Variants in PRKCH observed in about 807,000 individuals in gnomAD.
The protein encoded by PRKCH is protein kinase C eta.
A neutral mutation model predicts 82.5 loss-of-function variants in PRKCH; 28 were observed. That is an observed-to-expected ratio of 0.34 (90% CI 0.25 to 0.47). The LOEUF is 0.47. Among genes scored for constraint, PRKCH ranks in the 20% least tolerant of loss-of-function variants. PRKCH has a pLI of 1.00. For synonymous variants in PRKCH, 322 were observed against 327.4 expected, an observed-to-expected ratio of 0.98 and a Z score of 0.18; for missense variants, 705 against 881.8, an observed-to-expected ratio of 0.80 and a Z score of 2.54.
intron 1 of PRKCH, among the ~76,000 whole-genome samples, chr14:61,239,424 G>A (rs984856693): frequency 6.6e-6 from 1 of 152,150 alleles, no homozygotes; most frequent in Non-Finnish European, 1.5e-5. Context: ...ATGAGGACAG[G>A]GCAGGGGTTT....
intron 1 of PRKCH, among the ~76,000 whole-genome samples, chr14:61,272,249 GA>G (rs35299754): frequency 0.88 from 131,184 of 149,706 alleles, 57,539 homozygotes; most frequent in Middle Eastern, 0.92. Flanking sequence ...GATGACATGA[GA>G]AAAACCAAGG....
chr14:61,371,933 A>G (rs1474582805), intron 1 of PRKCH, among the ~76,000 whole-genome samples: 1 of 151,858 alleles, frequency 6.6e-6, no homozygotes, highest in Non-Finnish European at 1.5e-5. Flanking sequence ...ATCAGTATGG[A>G]CTCATGCATA....
At chr14:61,457,146 T>G in intron 7 of PRKCH, 30 bp from the exon 8 acceptor site, 2 of 1,609,296 alleles carry the variant, frequency 1.2e-6, no homozygotes, top group Non-Finnish European at 1.7e-6. Context: ...CTGCTGCAAT[T>G]TCTGACTTAA....
chr14:61,255,185 G>A (rs1423862228), intron 1 of PRKCH, among the ~76,000 whole-genome samples: 5 of 152,230 alleles, frequency 3.3e-5, no homozygotes, highest in Non-Finnish European at 7.3e-5. Context: ...GCAGGATTGA[G>A]GGAGTTTCTT....
intron 1 of PRKCH, chr14:61,305,822 G>A (rs1299701171): frequency 1.3e-5 from 2 of 151,990 alleles, no homozygotes; most frequent in East Asian, 3.9e-4. Context: ...GGTCATCTTG[G>A]ATTCTGCTTC....
chr14:61,493,462 T>C (rs1221619941), intron 10 of PRKCH, among the ~76,000 whole-genome samples: 1 of 152,210 alleles, frequency 6.6e-6, no homozygotes, highest in Admixed American at 6.5e-5. Context: ...TACCATGGAA[T>C]TGGCCAGAAC....
Position 61,449,209 on chromosome 14 carries a change from C to T in PRKCH, c.659C>T (p.Thr220Ile). Reference sequence around the variant, plus strand: ...AAACGCTGCCATCATCTAATTGTTACAGCCTGTACTTGCCAAAACAATATT... The same window carrying T: ...AAACGCTGCCATCATCTAATTGTTATAGCCTGTACTTGCCAAAACAATATT... ...VHKRCHHLIVTACTCQNNINK... is the reference protein window; with the variant it reads ...VHKRCHHLIVIACTCQNNINK... The change falls in exon 5 of 14, where the codon ACA becomes ATA. Residue 220 changes from threonine to isoleucine, a missense_variant. Coordinates refer to ENST00000332981, the MANE Select transcript of PRKCH (RefSeq NM_006255.5). 1 of 1,614,068 alleles carries T rather than the reference C, an allele frequency of 6.2e-7. No individual in the cohort carries two copies. The highest frequency in any genetic ancestry group is 8.5e-7 in the Non-Finnish European group (1 of 1,179,968).
chr14:61,485,196 A>C (rs1035478715), intron 9 of PRKCH, among the ~76,000 whole-genome samples: 3 of 152,174 alleles, frequency 2.0e-5, no homozygotes, highest in Non-Finnish European at 4.4e-5. Flanking sequence ...CTCCAGGTAC[A>C]TGACCTTTAA....
At chr14:61,441,914 T>C (rs1223557006) in intron 2 of PRKCH, among the ~76,000 whole-genome samples, 1 of 152,040 alleles carries the variant, frequency 6.6e-6, no homozygotes, top group Non-Finnish European at 1.5e-5. Context: ...CCTCCCAAAG[T>C]GTTGGTATTA....
intron 1 of PRKCH, among the ~76,000 whole-genome samples, chr14:61,263,124 A>G (rs2045064946): frequency 6.6e-6 from 1 of 152,162 alleles, no homozygotes; most frequent in Middle Eastern, 3.2e-3. Context: ...ACAAACTAGC[A>G]CCTTGACTAT....
At chr14:61,541,985 C>T (rs2043192418) in intron 12 of PRKCH, among the ~76,000 whole-genome samples, 2 of 152,180 alleles carry the variant, frequency 1.3e-5, no homozygotes, top group African/African-American at 4.8e-5. Flanking sequence ...GATATAGTTG[C>T]ACATTAAAAC....
intron 1 of PRKCH, among the ~76,000 whole-genome samples, chr14:61,231,217 G>C (rs1344693127): frequency 6.6e-6 from 1 of 152,184 alleles, no homozygotes; most frequent in Non-Finnish European, 1.5e-5. Context: ...CAAGATAATA[G>C]TATTTCTCTT....
intron 1 of PRKCH, among the ~76,000 whole-genome samples, chr14:61,351,797 A>G (rs1054757768): frequency 6.6e-6 from 1 of 152,152 alleles, no homozygotes; most frequent in Non-Finnish European, 1.5e-5. Flanking sequence ...CCCAAATTTG[A>G]ACATCCAACT....
In PRKCH at chr14:61,457,619, C is replaced by G. The variant is rs376802103; in HGVS notation, c.1218C>G (p.Ile406Met). Residue 406 changes from isoleucine (I) to methionine (M), a missense_variant, in exon 9 of 14, where the codon ATC becomes ATG. Coordinates refer to ENST00000332981, the MANE Select transcript of PRKCH (RefSeq NM_006255.5). ...AATGCACCATGACCGAGAAAAGGATCCTGTCTCTGGCCCGCAATCACCCCT... is the reference window on the plus strand; with the variant it reads ...AATGCACCATGACCGAGAAAAGGATGCTGTCTCTGGCCCGCAATCACCCCT... ...DVECTMTEKR[I>M]LSLARNHPFL... 8 of 1,614,050 alleles carry G rather than the reference C, an allele frequency of 5.0e-6. No homozygotes were observed. The highest frequency in any genetic ancestry group is 6.8e-6 in the Non-Finnish European group (8 of 1,180,034).
chr14:61,492,750 G>A (rs1886504424), intron 10 of PRKCH, among the ~76,000 whole-genome samples: 1 of 152,202 alleles, frequency 6.6e-6, no homozygotes, highest in Non-Finnish European at 1.5e-5. Flanking sequence ...GCTTTCTGTG[G>A]GGTGAGAGAG....
chr14:61,324,678 T>TG (rs2045672259), intron 1 of PRKCH, among the ~76,000 whole-genome samples: 1 of 152,188 alleles, frequency 6.6e-6, no homozygotes, highest in Non-Finnish European at 1.5e-5. Flanking sequence ...AGGCTGGTCT[T>TG]GAACTTGTGG....
intron 2 of PRKCH, among the ~76,000 whole-genome samples, chr14:61,406,892 T>G (rs969935299): frequency 2.6e-5 from 4 of 152,116 alleles, no homozygotes; most frequent in African/African-American, 9.7e-5. Context: ...TCCTCTTTGT[T>G]GGTGATGAAC....
rs202052426 is a variant in PRKCH, at chr14:61,280,046, G to T, written c.-19+92378G>T. ...GAGGAGGAGATGCCAAAAGCACCTT[G>T]CAAGAGTTTTGGCAAGAAGCAGGAG... On this transcript the variant is annotated intron_variant, in intron 1 of 3. Coordinates refer to the PRKCH transcript ENST00000555185. The surrounding 1 kb of genome is among the most constrained non-coding windows in gnomAD (Gnocchi z 5.0). The T allele has an allele frequency of 1.1e-3, 1,699 of 1,508,164 alleles. 3 individuals are homozygous for T. The highest frequency in any genetic ancestry group is 1.3e-3 in the Non-Finnish European group (1,501 of 1,121,360). The allele number at this position is 1,508,164 out of a possible 1,614,324, so 93.4% of individuals were successfully genotyped here.
rs186391076 is a variant in PRKCH, at chr14:61,437,125, G to A, written c.428-5986G>A. ...TATAAAACCAGGATTGTAAAATACC[G>A]TTGTATTTCCAGTTGTAAATAGCCG... On this transcript the variant is annotated intron_variant, in intron 2 of 13. Transcript: ENST00000332981. Among the ~76,000 whole-genome samples, 235 of 152,262 alleles carry A rather than the reference G, an allele frequency of 1.5e-3. 2 individuals carry two copies. The highest frequency in any genetic ancestry group is 5.2e-3 in the African/African-American group (216 of 41,544).
Sources: gnomAD v4.1 joint callset for allele counts (sites outside exome capture counted in the v4.1 genomes callset) on GRCh38, gnomAD v4.1.1 for gene constraint, Gnocchi (gnomAD v3.1) non-coding constraint, MANE v1.5 for transcripts, NCBI Gene and HGNC (gene_info 2026-07-23, HGNC 2026-07-21) for gene names.